Variants in SNX31 observed in about 807,000 individuals in gnomAD.
The protein encoded by SNX31 is sorting nexin-31.
Under a neutral mutation model 65.4 loss-of-function variants are expected in SNX31, and 58 were observed. That is an observed-to-expected ratio of 0.89 (90% CI 0.72 to 1.10). The LOEUF (loss-of-function observed/expected upper bound fraction) is 1.10, where lower values mean the gene tolerates loss of function less well. SNX31 is among the 50% of genes least tolerant of loss of function. The pLI, the probability that SNX31 is intolerant of heterozygous loss-of-function variation, is 0.00. For synonymous variants in SNX31, 181 were observed against 190.1 expected, an observed-to-expected ratio of 0.95 and a Z score of 0.39; for missense variants, 523 against 529.7, an observed-to-expected ratio of 0.99 and a Z score of 0.12.
chr8:100,644,476 G>GA lies in SNX31; in HGVS notation c.141+4797dup, dbSNP rs71303442. 4.8e-3 allele frequency among the ~76,000 whole-genome samples: 540 copies of GA among 112,764 alleles called. 1 individual carries two copies. The highest frequency in any genetic ancestry group is 0.019 in the African/African-American group (520 of 27,114). The allele number at this position is 112,764 out of a possible 152,430, so 74.0% of individuals were successfully genotyped here. A position where few individuals can be genotyped will look rare whatever the true frequency, so the allele number is the denominator to read the frequency against. On this transcript the variant is annotated intron_variant, in intron 2 of 13. Coordinates refer to ENST00000311812, the MANE Select transcript of SNX31 (RefSeq NM_152628.4). ...CTGGTTTTGTTTATCTAAAGGCACA[G>GA]AAAATGTGGGGCCAGCCAGTTCACA...
rs1329227728 is a variant in SNX31, at chr8:100,625,911, G to A, written c.321+4416C>T. On this transcript the variant is annotated intron_variant, in intron 4 of 13. Coordinates refer to ENST00000311812, the MANE Select transcript of SNX31 (RefSeq NM_152628.4). The surrounding 1 kb of genome is among the most constrained non-coding windows in gnomAD (Gnocchi z 4.2). ...ATGGCTGGGGAAAGAAAAGGGACTG[G>A]CATTAAGATTTTGCTTTTTAAAACC... 6.6e-6 allele frequency among the ~76,000 whole-genome samples: 1 copy of A among 152,140 alleles called. No homozygotes were observed. Among genetic ancestry groups the A allele is most frequent in the African/African-American group, 2.4e-5 (1 of 41,432 alleles).
At chr8:100,657,486 A>AAAGAAAAG (rs916365022) in intron 1 of SNX31, among the ~76,000 whole-genome samples, 14 of 151,668 alleles carry the variant, frequency 9.2e-5, no homozygotes, top group African/African-American at 3.4e-4. Flanking sequence ...AAAAAGAAAG[A>AAAGAAAAG]AAGAAAAGGG....
intron 2 of SNX31, among the ~76,000 whole-genome samples, chr8:100,639,267 A>G (rs1272294008): frequency 6.6e-6 from 1 of 152,258 alleles, no homozygotes; most frequent in Non-Finnish European, 1.5e-5. Context: ...GTAGAATGTG[A>G]TAAAACTATG....
intron 10 of SNX31, among the ~76,000 whole-genome samples, chr8:100,595,311 GT>G (rs765163460): frequency 1.4e-5 from 2 of 138,794 alleles, no homozygotes; most frequent in African/African-American, 6.1e-5. Flanking sequence ...GAGGGAATTT[GT>G]TGTTTTTTTT....
At chr8:100,641,274 C>G (rs575859212) in intron 2 of SNX31, among the ~76,000 whole-genome samples, 1 of 151,954 alleles carries the variant, frequency 6.6e-6, no homozygotes, top group South Asian at 2.1e-4. Flanking sequence ...CGGTGGCTCA[C>G]GCCTGTCATC....
chr8:100,618,933 C>G (rs964322281), intron 4 of SNX31: 7 of 152,050 alleles, frequency 4.6e-5, no homozygotes, highest in Admixed American at 1.3e-4. Context: ...TTATGGAGGT[C>G]TACGACACAG....
At position 100,584,188 on chromosome 8, in the gene SNX31, C is replaced by G; in HGVS notation, c.1093G>C (p.Ala365Pro). The change falls in exon 12 of 14, where the codon GCT (alanine) becomes CCT (proline). Residue 365 changes from alanine (A) to proline (P), a missense_variant and splice_region_variant. Transcript: ENST00000311812. The part of the protein sequence containing the change: ...WQWFVIYTKQ[A>P]FLLSSCLKKM... ...TTCAAGCAGCTACTCAGCAAAAAAG[C>G]CTAAGAAATGCAGGAATAAAGAACT... is the stretch of plus-strand genomic sequence containing the variant. 6.3e-7 allele frequency: 1 copy of G among 1,592,714 alleles called. No individual in the cohort carries two copies. The highest frequency in any genetic ancestry group is 8.5e-7 in the Non-Finnish European group (1 of 1,171,850).
chr8:100,651,651 C>T (rs959344733), upstream of SNX31, among the ~76,000 whole-genome samples: 27 of 152,214 alleles, frequency 1.8e-4, no homozygotes, highest in African/African-American at 6.5e-4. Context: ...CCACACTGTG[C>T]AAGACAATCT....
At position 100,649,334 on chromosome 8, in the gene SNX31, G is replaced by A. The variant is rs771763401; in HGVS notation, c.81C>T (p.His27=). The part of the protein sequence containing the change: ...LGGRYVLYSV[H]LDGFLFCRVR... Reference sequence around the variant, plus strand: ...CCCTGCAGAAGAGGAACCCGTCCAGGTGCACGGAGTACAGCTGCAAACACA... The same window carrying A: ...CCCTGCAGAAGAGGAACCCGTCCAGATGCACGGAGTACAGCTGCAAACACA... Residue 27 remains histidine (H), a synonymous_variant, in exon 2 of 14, where the codon CAC becomes CAT. Coordinates refer to ENST00000311812, the MANE Select transcript of SNX31 (RefSeq NM_152628.4). 198 of 1,613,910 alleles carry A rather than the reference G, an allele frequency of 1.2e-4. 2 individuals are homozygous for A. Among genetic ancestry groups the A allele is most frequent in the South Asian group, 4.4e-4 (40 of 91,088 alleles).
rs12549211 is a variant in SNX31 at position 100,648,039 on chromosome 8, C to T, written c.141+1235G>A. On this transcript the variant is annotated intron_variant, in intron 2 of 13. Transcript: ENST00000311812. The surrounding 1 kb of genome is among the most constrained non-coding windows in gnomAD (Gnocchi z 4.3). ...GATGACCACTCAAATTAACTAGTAA[C>T]CACATTACAACTGTTCTTGGTTGAC... Among the ~76,000 whole-genome samples the T allele has an allele frequency of 1.3e-5, 2 of 152,214 alleles. No homozygotes were observed. Among genetic ancestry groups the T allele is most frequent in the African/African-American group, 4.8e-5 (2 of 41,450 alleles).
rs138865886 is a variant in SNX31, at chr8:100,612,864, C to T, written c.523+131G>A. The T allele has an allele frequency of 5.0e-5, 39 of 784,822 alleles. No homozygotes were observed. The highest frequency in any genetic ancestry group is 9.9e-5 in the Admixed American group (5 of 50,588). 48.6% of individuals were successfully genotyped at this position (784,822 alleles called of 1,614,324 possible). A position where few individuals can be genotyped will look rare whatever the true frequency, so the allele number is the denominator to read the frequency against. On this transcript the variant is annotated intron_variant, in intron 6 of 13. Coordinates refer to ENST00000311812, the MANE Select transcript of SNX31 (RefSeq NM_152628.4). This position sits in a 1 kb window ranked among gnomAD's most constrained non-coding sequence, Gnocchi z 4.3. ...CCTCCTATTCCCTAAACCCTTAACC[C>T]AGTGACTGAGAACAGTGGTAGGGAT...
At chr8:100,603,054 C>T (rs1388110967) in intron 8 of SNX31, among the ~76,000 whole-genome samples, 2 of 152,068 alleles carry the variant, frequency 1.3e-5, no homozygotes, top group Non-Finnish European at 2.9e-5. Flanking sequence ...AGAGCAAACC[C>T]AGGTCTGGAC....
rs2131301126 is a variant in SNX31, at chr8:100,648,801, A to T, written c.141+473T>A. On this transcript the variant is annotated intron_variant, in intron 2 of 13. Transcript: ENST00000311812. The surrounding 1 kb of genome is among the most constrained non-coding windows in gnomAD (Gnocchi z 4.3). ...CATTCAAAAACAAAACTAGAGACACACCTTTTTAAAGGGGGCAAACTTAAG... is the reference window on the plus strand; with the variant it reads ...CATTCAAAAACAAAACTAGAGACACTCCTTTTTAAAGGGGGCAAACTTAAG... Among the ~76,000 whole-genome samples the T allele has an allele frequency of 6.6e-6, 1 of 152,314 alleles. No individual in the cohort carries two copies. The highest frequency in any genetic ancestry group is 1.5e-5 in the Non-Finnish European group (1 of 68,030).
chr8:100,583,982 G>C (rs985212020), intron 12 of SNX31, 129 bp downstream of exon 12: 1 of 685,312 alleles, frequency 1.5e-6, no homozygotes, highest in East Asian at 3.3e-5. Context: ...GCTCACTTCT[G>C]TGGTTTGGAG....
Position 100,614,084 on chromosome 8 carries a change from A to C in SNX31, c.433-999T>G, listed in dbSNP as rs3135464. Among the ~76,000 whole-genome samples the C allele has an allele frequency of 1.3e-5, 2 of 152,200 alleles. No homozygotes were observed. The highest frequency in any genetic ancestry group is 2.4e-5 in the African/African-American group (1 of 41,454). On this transcript the variant is annotated intron_variant, in intron 5 of 13. Transcript: ENST00000311812. The surrounding 1 kb of genome is among the most constrained non-coding windows in gnomAD (Gnocchi z 5.1). The stretch of plus-strand genomic sequence containing the variant: ...GAAGCAGTCTGATTAGGTGGCTGGT[A>C]TGAGTGGGTGTTCTCAGCATAGCTT...
chr8:100,613,090 A>C lies in SNX31; in HGVS notation c.433-5T>G. 6.2e-7 allele frequency: 1 copy of C among 1,613,198 alleles called. No homozygotes were observed. The highest frequency in any genetic ancestry group is 8.5e-7 in the Non-Finnish European group (1 of 1,179,254). Reference sequence around the variant, plus strand: ...TCCAATTTTGTGTGACACCACCTTTAACCAGAAACAAGCAGAAAGGGAAAA... The same window carrying C: ...TCCAATTTTGTGTGACACCACCTTTCACCAGAAACAAGCAGAAAGGGAAAA... On this transcript the variant is annotated splice_region_variant and splice_polypyrimidine_tract_variant and intron_variant, in intron 5 of 13. Coordinates refer to ENST00000311812, the MANE Select transcript of SNX31 (RefSeq NM_152628.4). This position sits in a 1 kb window ranked among gnomAD's most constrained non-coding sequence, Gnocchi z 5.2.
chr8:100,586,041 C>T (rs1814015491), intron 11 of SNX31, among the ~76,000 whole-genome samples: 1 of 152,198 alleles, frequency 6.6e-6, no homozygotes, highest in African/African-American at 2.4e-5. Context: ...CTGCCTTAGC[C>T]TCCCGAGTAG....
chr8:100,608,045 C>G (rs1161826299), intron 8 of SNX31, among the ~76,000 whole-genome samples: 2 of 152,166 alleles, frequency 1.3e-5, no homozygotes, highest in Non-Finnish European at 2.9e-5. Context: ...GATATCCTTT[C>G]TAGGCTCATG....
At chr8:100,586,939 A>G (rs1055095413) in intron 11 of SNX31, among the ~76,000 whole-genome samples, 4 of 152,152 alleles carry the variant, frequency 2.6e-5, no homozygotes, top group African/African-American at 9.7e-5. Flanking sequence ...GGACTTTTCA[A>G]TTGGATTTGG....
Sources: gnomAD v4.1 joint callset for allele counts (sites outside exome capture counted in the v4.1 genomes callset) on GRCh38, gnomAD v4.1.1 for gene constraint, Gnocchi (gnomAD v3.1) non-coding constraint, MANE v1.5 for transcripts, NCBI Gene and HGNC (gene_info 2026-07-23, HGNC 2026-07-21) for gene names.